Variants in ZNF253 observed in about 807,000 individuals in gnomAD.
The protein encoded by ZNF253 is DNA-binding protein.
Under a neutral mutation model 11.9 loss-of-function variants are expected in ZNF253, and 8 were observed. That is an observed-to-expected ratio of 0.67 (90% confidence interval 0.40 to 1.22). The LOEUF is 1.22. Among genes scored for constraint, ZNF253 ranks in the 50% most tolerant of loss-of-function variants. The pLI is 0.01. For missense variants in ZNF253, 485 were observed against 586.9 expected (o/e 0.83, Z 1.79); for synonymous variants, 194 against 194.9 (o/e 1.00, Z 0.04).
rs1568502263 is a variant in ZNF253, at chr19:19,892,405, T to C, written c.1158T>C (p.His386=). 1 of 1,613,836 alleles carries C rather than the reference T, an allele frequency of 6.2e-7. No individual in the cohort carries two copies. The highest frequency in any genetic ancestry group is 8.5e-7 in the Non-Finnish European group (1 of 1,179,946). The change falls in exon 4 of 4, where the codon CAT becomes CAC. Residue 386 remains histidine (H), a synonymous_variant. Coordinates refer to ENST00000589717, the MANE Select transcript of ZNF253 (RefSeq NM_021047.3). ...ACCATTCCACAACCCTTTTTTCACATGAGAAAATTCATACTGGAGAGAAAC... is the reference window on the plus strand; with the variant it reads ...ACCATTCCACAACCCTTTTTTCACACGAGAAAATTCATACTGGAGAGAAAC... ...AFNHSTTLFS[H]EKIHTGEKPY...
In ZNF253 at chr19:19,892,490, A is replaced by T; in HGVS notation, c.1243A>T (p.Lys415Ter). The T allele has an allele frequency of 6.2e-7, 1 of 1,613,820 alleles. No individual in the cohort carries two copies. Among genetic ancestry groups the T allele is most frequent in the South Asian group, 1.1e-5 (1 of 91,068 alleles). ...FTWPSILSKH[K>*]RTHTGEKPYK... ...CTGGCCCTCAATCCTCTCCAAACAT[A>T]AAAGAACTCATACTGGAGAGAAACC... Residue 415 changes from lysine to a stop codon, truncating the protein, a stop_gained, in exon 4 of 4, where the codon AAA becomes TAA. Coordinates refer to ENST00000589717, the MANE Select transcript of ZNF253 (RefSeq NM_021047.3). LOFTEE classifies it low-confidence loss of function (END_TRUNC).
At position 19,892,836 on chromosome 19, in the gene ZNF253, T is replaced by C. The variant is rs1462704532; in HGVS notation, c.*89T>C. 3.3e-6 allele frequency: 4 copies of C among 1,229,250 alleles called. No individual in the cohort carries two copies. The African/African-American group carries it at 6.1e-5, about 19-fold the overall frequency. The allele number at this position is 1,229,250 out of a possible 1,614,324, so 76.1% of individuals were successfully genotyped here. A position where few individuals can be genotyped will look rare whatever the true frequency, so the allele number is the denominator to read the frequency against. ...CTCTTAGTAAATTTGAGAGTTTATA[T>C]GGAACACAAACCCTACAAATATAAA... is the stretch of plus-strand genomic sequence containing the variant. On this transcript the variant is annotated 3_prime_UTR_variant, in exon 4 of 4. Transcript: ENST00000589717.
upstream of ZNF253, chr19:19,865,835 A>G (rs924888462): frequency 7.6e-6 from 7 of 924,760 alleles, no homozygotes; most frequent in Middle Eastern, 2.6e-4. Context: ...GGAGCGAACC[A>G]CATGGTTTCT....
Position 19,874,685 on chromosome 19 carries a change from G to A in ZNF253, c.4-3796G>A, listed in dbSNP as rs1599551391. 2.6e-5 allele frequency among the ~76,000 whole-genome samples: 4 copies of A among 152,236 alleles called. No homozygotes were observed. The Middle Eastern group carries it at 0.014, about 518-fold the overall frequency. ...CCAGCACTTTGGGAGGCCGAGGCAG[G>A]TGGATCACGAGGTCAGGAGATCGAG... On this transcript the variant is annotated intron_variant, in intron 1 of 3. Coordinates refer to ENST00000589717, the MANE Select transcript of ZNF253 (RefSeq NM_021047.3).
chr19:19,888,217 CCAT>C (rs2063214384), intron 3 of ZNF253, among the ~76,000 whole-genome samples: 1 of 152,046 alleles, frequency 6.6e-6, no homozygotes, highest in Non-Finnish European at 1.5e-5. Context: ...GCACCCACCA[CCAT>C]GCTGGCTAAT....
chr19:19,869,566 G>A (rs2063124144), intron 1 of ZNF253, among the ~76,000 whole-genome samples: 1 of 147,802 alleles, frequency 6.8e-6, no homozygotes, highest in Non-Finnish European at 1.5e-5. Context: ...TTTCCATGTT[G>A]ATCAGGCTGG....
At chr19:19,888,128 A>G (rs2063213871) in intron 3 of ZNF253, among the ~76,000 whole-genome samples, 1 of 149,564 alleles carries the variant, frequency 6.7e-6, no homozygotes, top group African/African-American at 2.5e-5. Flanking sequence ...AAATGGCACA[A>G]TGTTGGCTCA....
Position 19,880,185 on chromosome 19 carries a change from A to G in ZNF253, c.226+39A>G, listed in dbSNP as rs115191953. On this transcript the variant is annotated intron_variant, in intron 3 of 3. Coordinates refer to ENST00000589717, the MANE Select transcript of ZNF253 (RefSeq NM_021047.3). ...AAAACGAATACAACAGATGACACAG[A>G]TAAAAGGTCCCAATGTCAAAGAGAA... 645 of 1,476,146 alleles carry G rather than the reference A, an allele frequency of 4.4e-4. 2 individuals carry two copies. The African/African-American group carries it at 7.7e-3, about 18-fold the overall frequency. 91.4% of individuals were successfully genotyped at this position (1,476,146 alleles called of 1,614,324 possible).
In ZNF253 at chr19:19,865,910, C is replaced by A; in HGVS notation, c.-87C>A. On this transcript the variant is annotated 5_prime_UTR_variant, in exon 1 of 4. Coordinates refer to ENST00000589717, the MANE Select transcript of ZNF253 (RefSeq NM_021047.3). ...TATCCTCAGTGTTCTGTGTCCTGTG[C>A]TTATAGAGGCCCGTCCTCTGTGGCC... 1.3e-6 allele frequency: 2 copies of A among 1,535,454 alleles called. No homozygotes were observed. The highest frequency in any genetic ancestry group is 1.1e-5 in the South Asian group (1 of 89,496).
At chr19:19,885,173 C>G (rs1176058562) in intron 3 of ZNF253, among the ~76,000 whole-genome samples, 1 of 151,682 alleles carries the variant, frequency 6.6e-6, no homozygotes, top group Non-Finnish European at 1.5e-5. Context: ...AATGTCGTAC[C>G]TAAAAAAATG....
At position 19,888,592 on chromosome 19, in the gene ZNF253, G is replaced by A. The variant is rs537442745; in HGVS notation, c.227-2882G>A. Among the ~76,000 whole-genome samples, 9 of 152,082 alleles carry A rather than the reference G, an allele frequency of 5.9e-5. No homozygotes were observed. The South Asian group carries it at 1.9e-3, about 32-fold the overall frequency. On this transcript the variant is annotated intron_variant, in intron 3 of 3. Transcript: ENST00000589717. ...AGTAAAAAATTAACTTCAGTTGCAT[G>A]CAAACATTCTTCATTACATCTGCCT...
At chr19:19,866,657 C>T (rs2063112537) in intron 1 of ZNF253, among the ~76,000 whole-genome samples, 1 of 152,092 alleles carries the variant, frequency 6.6e-6, no homozygotes, top group Non-Finnish European at 1.5e-5. Flanking sequence ...CGTCACCACA[C>T]CCGGCTGATT....
intron 3 of ZNF253, among the ~76,000 whole-genome samples, chr19:19,885,362 CTTTT>C (rs1568499331): frequency 2.3e-5 from 1 of 44,116 alleles, no homozygotes; most frequent in Non-Finnish European, 3.4e-5. Flanking sequence ...TTCTTCCTTT[CTTTT>C]CTTTCTTTTC....
Position 19,878,481 on chromosome 19 carries a change from G to A in ZNF253, c.4G>A (p.Gly2Arg). 1 of 1,613,660 alleles carries A rather than the reference G, an allele frequency of 6.2e-7. No individual in the cohort carries two copies. The highest frequency in any genetic ancestry group is 1.3e-5 in the African/African-American group (1 of 74,888). M[G>R]PLQFRDVAIE... is the part of the protein sequence containing the mutation. ...TTATGTGTGTGTGTGTGTTTTCCAG[G>A]GACCATTGCAATTTAGAGATGTGGC... Residue 2 changes from glycine (G) to arginine (R), a missense_variant and splice_region_variant, in exon 2 of 4, where the codon GGA becomes AGA. Gly to Arg is a moderately radical substitution (Grantham distance 125). Transcript: ENST00000589717.
chr19:19,875,408 CT>C (rs917515993), intron 1 of ZNF253, among the ~76,000 whole-genome samples: 1 of 151,382 alleles, frequency 6.6e-6, no homozygotes, highest in Non-Finnish European at 1.5e-5. Flanking sequence ...TTCTTTCTTT[CT>C]TTTTTGAGAT....
At chr19:19,887,410 C>T (rs970814182) in intron 3 of ZNF253, among the ~76,000 whole-genome samples, 2 of 152,030 alleles carry the variant, frequency 1.3e-5, no homozygotes, top group Non-Finnish European at 2.9e-5. Context: ...AATTTTCCTG[C>T]GTCAGCCTTC....
chr19:19,872,755 T>G (rs1018386345), intron 1 of ZNF253, among the ~76,000 whole-genome samples: 2 of 151,768 alleles, frequency 1.3e-5, no homozygotes, highest in Non-Finnish European at 2.9e-5. Flanking sequence ...CAGGTTATAA[T>G]CCTTAAGCTT....
At chr19:19,878,732 C>T (rs1455670084) in intron 2 of ZNF253, 125 bp downstream of exon 2, 5 of 1,002,304 alleles carry the variant, frequency 5.0e-6, no homozygotes, top group Admixed American at 6.2e-5. Flanking sequence ...AGCCACTGCG[C>T]CTGGCCATAT....
At chr19:19,877,380 C>CTTA (rs559470656) in intron 1 of ZNF253, among the ~76,000 whole-genome samples, 1 of 145,090 alleles carries the variant, frequency 6.9e-6, no homozygotes, top group Non-Finnish European at 1.5e-5. Context: ...TCTTCTTCTT[C>CTTA]TTTTTTTTTT....
Sources: allele counts gnomAD v4.1 joint callset (sites outside exome capture counted in the v4.1 genomes callset), GRCh38; gene constraint gnomAD v4.1.1; transcripts MANE v1.5; gene names NCBI Gene and HGNC (gene_info 2026-07-23, HGNC 2026-07-21).